Variants in PLXNA2 observed in about 807,000 individuals in gnomAD.
PLXNA2 encodes the protein plexin-A2.
Under a neutral mutation model 193.5 loss-of-function variants are expected in PLXNA2, and 91 were observed. The ratio of observed to expected loss-of-function variants is 0.47; its 90% CI spans 0.40 to 0.56. The LOEUF is 0.56. Ranked by LOEUF, PLXNA2 falls within the 20% of genes least tolerant of loss-of-function variation. The pLI is 0.00. For synonymous variants in PLXNA2, 997 were observed against 1,027.3 expected (o/e 0.97, Z 0.56); for missense variants, 1,995 against 2,503.2 (o/e 0.80, Z 4.33).
At chr1:208,164,280 T>C (rs1669224616) in intron 3 of PLXNA2, among the ~76,000 whole-genome samples, 1 of 152,176 alleles carries the variant, frequency 6.6e-6, no homozygotes, top group Admixed American at 6.5e-5. Context: ...AACCCTCTTC[T>C]GCTCCATTCA....
intron 1 of PLXNA2, among the ~76,000 whole-genome samples, chr1:208,218,953 G>A (rs1671233887): frequency 6.6e-6 from 1 of 152,230 alleles, no homozygotes; most frequent in African/African-American, 2.4e-5. Flanking sequence ...ACCTGGGGCA[G>A]GGGTACCAGA....
At chr1:208,135,716 G>T (rs1019733615) in intron 4 of PLXNA2, among the ~76,000 whole-genome samples, 1 of 152,154 alleles carries the variant, frequency 6.6e-6, no homozygotes, top group Non-Finnish European at 1.5e-5. Context: ...TCTGGGCCTC[G>T]TCTTTCTTAT....
chr1:208,114,708 T>G (rs1006075520), intron 4 of PLXNA2, among the ~76,000 whole-genome samples: 5 of 152,370 alleles, frequency 3.3e-5, no homozygotes, highest in Non-Finnish European at 7.3e-5. Flanking sequence ...GACCCCCCGA[T>G]AGTATTCTCT....
At chr1:208,131,556 T>C (rs1234795055) in intron 4 of PLXNA2, among the ~76,000 whole-genome samples, 1 of 152,142 alleles carries the variant, frequency 6.6e-6, no homozygotes, top group Non-Finnish European at 1.5e-5. Context: ...CGGGGCCCCC[T>C]GTGTCTGGCT....
At chr1:208,188,662 T>C (rs1473201708) in intron 3 of PLXNA2, among the ~76,000 whole-genome samples, 2 of 146,306 alleles carry the variant, frequency 1.4e-5, no homozygotes, top group Admixed American at 7.0e-5. Context: ...TGAGCTGAGA[T>C]GGCACCACTG....
intron 13 of PLXNA2, among the ~76,000 whole-genome samples, chr1:208,058,086 T>G (rs1665498223): frequency 6.6e-6 from 1 of 152,154 alleles, no homozygotes; most frequent in Non-Finnish European, 1.5e-5. Context: ...CCCATAGACT[T>G]GCATAGATGG....
rs778867694 is a variant in PLXNA2 at position 208,044,631 on chromosome 1, T to C, written c.3751A>G (p.Ile1251Val). 10 of 1,613,906 alleles carry C rather than the reference T, an allele frequency of 6.2e-6. No homozygotes were observed. The highest frequency in any genetic ancestry group is 1.3e-5 in the African/African-American group (1 of 74,960). The change falls in exon 20 of 32, where the codon ATC (isoleucine) becomes GTC (valine). Residue 1251 changes from isoleucine to valine, a missense_variant. Coordinates refer to ENST00000367033, the MANE Select transcript of PLXNA2 (RefSeq NM_025179.4). This position sits in a 1 kb window ranked among gnomAD's most constrained non-coding sequence, Gnocchi z 4.9. ...GCAATGAGGACGATGATGACGATGA[T>C]GAGGAGGAGGCTGCCGCCGGCCGCG... Reference protein sequence around the residue: ...SIAAGGSLLLIIVIIVLIAYK... With the variant: ...SIAAGGSLLLVIVIIVLIAYK...
At chr1:208,092,340 T>C (rs1666743054) in intron 9 of PLXNA2, among the ~76,000 whole-genome samples, 1 of 152,194 alleles carries the variant, frequency 6.6e-6, no homozygotes, top group South Asian at 2.1e-4. Flanking sequence ...AGTCAAAGAA[T>C]CATTGAATTT....
chr1:208,149,371 A>T (rs1668687629), intron 3 of PLXNA2, among the ~76,000 whole-genome samples: 1 of 151,306 alleles, frequency 6.6e-6, no homozygotes, highest in African/African-American at 2.4e-5. Flanking sequence ...TGGTGTGTGT[A>T]TATGTGGTAT....
At chr1:208,101,626 C>A (rs547109002) in intron 5 of PLXNA2, among the ~76,000 whole-genome samples, 2 of 152,284 alleles carry the variant, frequency 1.3e-5, no homozygotes, top group Admixed American at 6.5e-5. Context: ...AGGTGGTTTG[C>A]GGCAGCGGGG....
At chr1:208,075,994 G>A (rs1178427205) in intron 12 of PLXNA2, among the ~76,000 whole-genome samples, 4 of 150,386 alleles carry the variant, frequency 2.7e-5, no homozygotes, top group African/African-American at 9.8e-5. Context: ...GGAGGTGGAG[G>A]TTGCAGTGAG....
intron 1 of PLXNA2, among the ~76,000 whole-genome samples, chr1:208,239,141 AT>A (rs891864980): frequency 5.9e-5 from 8 of 136,460 alleles, no homozygotes; most frequent in African/African-American, 1.6e-4. Flanking sequence ...ATCTATTAAT[AT>A]TTTTTTTCTT....
At chr1:208,148,780 C>T (rs181591107) in intron 3 of PLXNA2, among the ~76,000 whole-genome samples, 6 of 152,208 alleles carry the variant, frequency 3.9e-5, no homozygotes, top group East Asian at 3.9e-4. Flanking sequence ...GCACGGGGGG[C>T]GGAGCAGCAT....
chr1:208,223,295 C>T (rs747240873), intron 1 of PLXNA2, among the ~76,000 whole-genome samples: 42 of 151,462 alleles, frequency 2.8e-4, no homozygotes, highest in Non-Finnish European at 5.6e-4. Flanking sequence ...TTGACCAGGG[C>T]GACTCAAAGT....
intron 3 of PLXNA2, among the ~76,000 whole-genome samples, chr1:208,158,523 C>T (rs920566794): frequency 1.3e-5 from 2 of 152,292 alleles, no homozygotes; most frequent in East Asian, 3.9e-4. Context: ...CTACCACCTC[C>T]CAAACTGACC....
chr1:208,051,775 T>G (rs921412732), intron 15 of PLXNA2, among the ~76,000 whole-genome samples: 6 of 152,182 alleles, frequency 3.9e-5, no homozygotes, highest in African/African-American at 1.4e-4. Context: ...CTACTGTACA[T>G]AGCAGTGAAT....
chr1:208,056,196 C>T (rs1396879737), intron 13 of PLXNA2, among the ~76,000 whole-genome samples: 1 of 152,182 alleles, frequency 6.6e-6, no homozygotes, highest in African/African-American at 2.4e-5. Flanking sequence ...ATCCTGCAAA[C>T]GATGCCCACC....
chr1:208,034,693 TAGAGAGC>T, intron 26 of PLXNA2, 101 bp from the exon 27 acceptor site: 1 of 720,436 alleles, frequency 1.4e-6, no homozygotes, highest in South Asian at 1.6e-5. Context: ...AGCTGTGGGG[TAGAGAGC>T]AAGGAGTACA....
chr1:208,039,770 G>A lies in PLXNA2; in HGVS notation c.4354-3C>T. 1 of 1,614,046 alleles carries A rather than the reference G, an allele frequency of 6.2e-7. No homozygotes were observed. Among genetic ancestry groups the A allele is most frequent in the Non-Finnish European group, 8.5e-7 (1 of 1,180,010 alleles). ...AAGAGTGGCTCCCCTGCGCACTCCTGTGGGCACAGACAGGGCAGGAGGTGT... is the reference window on the plus strand; with the variant it reads ...AAGAGTGGCTCCCCTGCGCACTCCTATGGGCACAGACAGGGCAGGAGGTGT... On this transcript the variant is annotated splice_region_variant and splice_polypyrimidine_tract_variant and intron_variant, in intron 23 of 31. Transcript: ENST00000367033.
Sources: allele counts gnomAD v4.1 joint callset (sites outside exome capture counted in the v4.1 genomes callset), GRCh38; gene constraint gnomAD v4.1.1; non-coding constraint Gnocchi (gnomAD v3.1); transcripts MANE v1.5; gene names NCBI Gene and HGNC (gene_info 2026-07-23, HGNC 2026-07-21).